The following ASPH variants were observed in gnomAD, a reference collection of about 807,000 sequenced individuals.
The protein encoded by ASPH is aspartate beta-hydroxylase, also known as aspartyl/asparaginyl beta-hydroxylase.
ASPH carries 100 observed loss-of-function variants against 118.4 expected under a neutral mutation model. The observed-to-expected ratio is 0.84, with a 90% CI of 0.72 to 1.00. The LOEUF is 1.00. Among genes scored for constraint, ASPH ranks in the 50% least tolerant of loss-of-function variants. The probability of loss-of-function intolerance (pLI) is 0.00; values close to 1 mark genes in which losing one functional copy is unlikely to be tolerated. For missense variants in ASPH, 920 were observed against 919.5 expected (o/e 1.00, Z -0.01); for synonymous variants, 315 against 325.6 (o/e 0.97, Z 0.35).
At chr8:61,615,506 T>C (rs1406517929) in intron 14 of ASPH, among the ~76,000 whole-genome samples, 1 of 152,236 alleles carries the variant, frequency 6.6e-6, no homozygotes, top group Non-Finnish European at 1.5e-5. Flanking sequence ...AACTGTTTTA[T>C]TGACTGTTTT....
intron 3 of ASPH, among the ~76,000 whole-genome samples, chr8:61,671,030 A>AT (rs1022737063): frequency 2.6e-5 from 4 of 151,848 alleles, no homozygotes; most frequent in African/African-American, 7.2e-5. Flanking sequence ...TTTATAACAG[A>AT]TTTTTTTTTC....
intron 1 of ASPH, chr8:61,689,809 A>C: frequency 6.8e-7 from 1 of 1,479,436 alleles, no homozygotes; most frequent in Non-Finnish European, 9.0e-7. Context: ...AGAGCTTGAG[A>C]CTGGCCAATC....
At chr8:61,542,410 C>T (rs1822286293) in intron 21 of ASPH, among the ~76,000 whole-genome samples, 1 of 151,952 alleles carries the variant, frequency 6.6e-6, no homozygotes, top group South Asian at 2.1e-4. Flanking sequence ...AGTGGTTGCC[C>T]TGGGCACTAG....
In ASPH at chr8:61,524,631, T is replaced by C. The variant is rs934764502; in HGVS notation, c.1900+1346A>G. On this transcript the variant is annotated intron_variant, in intron 22 of 24. Transcript: ENST00000379454. ...TGGAAAATCAGGTATATTCCACCTA[T>C]GTGAAAATGTAGAAGACAAAATGTT... 3.9e-5 allele frequency among the ~76,000 whole-genome samples: 6 copies of C among 152,358 alleles called. No individual in the cohort carries two copies. In the South Asian group the frequency reaches 8.3e-4, roughly 21 times the overall value.
chr8:61,689,917 G>C (rs886346333), intron 1 of ASPH: 2 of 1,192,256 alleles, frequency 1.7e-6, no homozygotes, highest in African/African-American at 3.1e-5. Context: ...TCACCACTTA[G>C]GCTGAAGTGC....
chr8:61,566,855 C>T (rs1242172177), intron 17 of ASPH, among the ~76,000 whole-genome samples: 3 of 152,184 alleles, frequency 2.0e-5, no homozygotes, highest in African/African-American at 7.2e-5. Context: ...TGTTATTTCA[C>T]ACTTAAGACA....
intron 6 of ASPH, among the ~76,000 whole-genome samples, chr8:61,645,809 T>C (rs1030851477): frequency 6.6e-6 from 1 of 152,246 alleles, no homozygotes; most frequent in South Asian, 2.1e-4. Flanking sequence ...AAGTAGGAGC[T>C]ACCTGCTGCT....
intron 2 of ASPH, chr8:61,682,531 C>T (rs1341778103): frequency 2.0e-6 from 3 of 1,533,776 alleles, no homozygotes; most frequent in Non-Finnish European, 2.7e-6. Context: ...CTTAAAGGTA[C>T]AAATACTTAA....
chr8:61,577,399 C>CAAAAAAAAAAAAAAA lies in ASPH; in HGVS notation c.1063-556_1063-542dup, dbSNP rs775523503. On this transcript the variant is annotated intron_variant, in intron 15 of 24. Coordinates refer to ENST00000379454, the MANE Select transcript of ASPH (RefSeq NM_004318.4). ...AAAATGGCAAGGATGCCCAATCTCG[C>CAAAAAAAAAAAAAAA]AAAAAAAAAAAAAAAAAAAAAAAAG... Among the ~76,000 whole-genome samples, 10 of 23,280 alleles carry CAAAAAAAAAAAAAAA rather than the reference C, an allele frequency of 4.3e-4. 1 individual carries two copies. Among genetic ancestry groups the CAAAAAAAAAAAAAAA allele is most frequent in the Non-Finnish European group, 5.9e-4 (8 of 13,616 alleles). 15.3% of individuals were successfully genotyped at this position (23,280 alleles called of 152,430 possible).
chr8:61,510,033 T>C (rs1028125449), intron 24 of ASPH, among the ~76,000 whole-genome samples: 2 of 152,202 alleles, frequency 1.3e-5, no homozygotes, highest in African/African-American at 4.8e-5. Flanking sequence ...TGAGAGTGCT[T>C]GATCTCACTC....
At position 61,567,049 on chromosome 8, in the gene ASPH, C is replaced by G. The variant is rs543525060; in HGVS notation, c.1300+119G>C. On this transcript the variant is annotated intron_variant, in intron 17 of 24. Coordinates refer to ENST00000379454, the MANE Select transcript of ASPH (RefSeq NM_004318.4). ...CTAGGACAGACACATTACTTGAAAT[C>G]AGTTGTAAAACTCAGGTTTTCTCCC... 809 of 1,234,070 alleles carry G rather than the reference C, an allele frequency of 6.6e-4. 6 individuals are homozygous for G. The Middle Eastern group carries it at 0.015, about 22-fold the overall frequency. The allele number at this position is 1,234,070 out of a possible 1,614,324, so 76.4% of individuals were successfully genotyped here.
chr8:61,638,438 C>T, intron 10 of ASPH, 75 bp from the exon 11 acceptor site: 1 of 1,264,068 alleles, frequency 7.9e-7, no homozygotes. Context: ...GCTTTAAGGG[C>T]AGAGACAATG....
chr8:61,598,224 C>T (rs1359110235), intron 14 of ASPH, among the ~76,000 whole-genome samples: 1 of 152,076 alleles, frequency 6.6e-6, no homozygotes, highest in African/African-American at 2.4e-5. Context: ...CTATATTCTG[C>T]CTACAAGAAA....
At chr8:61,657,029 T>A (rs1814057561) in intron 3 of ASPH, 1 of 152,086 alleles carries the variant, frequency 6.6e-6, no homozygotes, top group Non-Finnish European at 1.5e-5. Flanking sequence ...ACACCTACCT[T>A]CCGGGGGAGA....
intron 24 of ASPH, among the ~76,000 whole-genome samples, chr8:61,504,999 C>A (rs1221750106): frequency 6.6e-6 from 1 of 151,994 alleles, no homozygotes; most frequent in Non-Finnish European, 1.5e-5. Context: ...TTGGATGTGT[C>A]CCCACCCAAA....
chr8:61,537,621 C>T (rs1820129495), intron 21 of ASPH, among the ~76,000 whole-genome samples: 1 of 152,146 alleles, frequency 6.6e-6, no homozygotes, highest in South Asian at 2.1e-4. Context: ...AAGTGATCCT[C>T]CTGCCTCAGC....
rs896801315 is a variant in ASPH, at chr8:61,567,153, T to C, written c.1300+15A>G. ...TATGCCATTTCCTACTGAATTACCT[T>C]TGATTGCATCTTACCTAGAAATTGT... On this transcript the variant is annotated intron_variant, in intron 17 of 24. Transcript: ENST00000379454. The C allele has an allele frequency of 4.3e-6, 7 of 1,612,764 alleles. No homozygotes were observed. Among genetic ancestry groups the C allele is most frequent in the Admixed American group, 3.3e-5 (2 of 59,858 alleles).
At chr8:61,518,463 T>A (rs1586401568) in intron 22 of ASPH, among the ~76,000 whole-genome samples, 1 of 152,168 alleles carries the variant, frequency 6.6e-6, no homozygotes, top group Non-Finnish European at 1.5e-5. Flanking sequence ...CGATCCTCCA[T>A]GCATGTTAAG....
chr8:61,575,379 C>T (rs1834788244), intron 16 of ASPH, among the ~76,000 whole-genome samples: 2 of 152,048 alleles, frequency 1.3e-5, no homozygotes, highest in Non-Finnish European at 2.9e-5. Flanking sequence ...CCTTTCATAC[C>T]ACGTCGACCC....
Sources: allele counts gnomAD v4.1 joint callset (sites outside exome capture counted in the v4.1 genomes callset), GRCh38; gene constraint gnomAD v4.1.1; transcripts MANE v1.5; gene names NCBI Gene and HGNC (gene_info 2026-07-23, HGNC 2026-07-21).